Variants in TXK observed in about 807,000 individuals in gnomAD.
The protein encoded by TXK is tyrosine-protein kinase TXK.
TXK carries 60 observed loss-of-function variants against 81.0 expected under a neutral mutation model. The ratio of observed to expected loss-of-function variants is 0.74; its 90% CI spans 0.60 to 0.92. The LOEUF (loss-of-function observed/expected upper bound fraction) is 0.92. TXK is among the 40% of genes least tolerant of loss of function. The pLI is 0.00. For missense variants in TXK, 581 were observed against 638.3 expected (o/e 0.91, Z 0.97); for synonymous variants, 203 against 210.7 (o/e 0.96, Z 0.32).
intron 6 of TXK, among the ~76,000 whole-genome samples, chr4:48,100,955 G>A (rs1051476220): frequency 1.3e-5 from 2 of 151,736 alleles, no homozygotes; most frequent in Non-Finnish European, 2.9e-5. Flanking sequence ...GTATGCTATC[G>A]TTTGTGTAAA....
In TXK at chr4:48,076,411, C is replaced by A; in HGVS notation, c.1229G>T (p.Gly410Val). 6.2e-7 allele frequency: 1 copy of A among 1,611,288 alleles called. No homozygotes were observed. Among genetic ancestry groups the A allele is most frequent in the African/African-American group, 1.3e-5 (1 of 74,920 alleles). The part of the protein sequence containing the change: ...STCIVKISDF[G>V]MTRYVLDDEY... ...TATACATAGCATGTACCTTGTCATT[C>A]CAAAGTCTGAAATTTTTACTATGCA... Residue 410 changes from glycine to valine, a missense_variant, in exon 12 of 15, where the codon GGA becomes GTA. Coordinates refer to ENST00000264316, the MANE Select transcript of TXK (RefSeq NM_003328.3).
intron 6 of TXK, among the ~76,000 whole-genome samples, chr4:48,104,189 C>A (rs928501470): frequency 9.1e-6 from 1 of 109,930 alleles, no homozygotes; most frequent in Admixed American, 1.3e-4. Flanking sequence ...GGTGACAGAG[C>A]GAGAGCATGT....
rs1330830818 is a variant in TXK at position 48,079,930 on chromosome 4, G to A, written c.1155C>T (p.Gly385=). The A allele has an allele frequency of 1.2e-5, 19 of 1,612,376 alleles. No homozygotes were observed. The highest frequency in any genetic ancestry group is 1.6e-5 in the Non-Finnish European group (19 of 1,179,260). Residue 385 remains glycine (G), a synonymous_variant, in exon 11 of 15, where the codon GGC becomes GGT. Transcript: ENST00000264316. The part of the protein sequence containing the change: ...CEGMEYLERN[G]YIHRDLAARN... The stretch of plus-strand genomic sequence containing the variant: ...TACTTACCAAATCCCTATGAATATA[G>A]CCATTCCTCTCCAGATATTCCATTC...
chr4:48,083,889 C>A (rs926385992), intron 10 of TXK, among the ~76,000 whole-genome samples: 2 of 152,080 alleles, frequency 1.3e-5, no homozygotes, highest in Non-Finnish European at 2.9e-5. Context: ...AGTGGGTATG[C>A]CAACTTAAAC....
intron 1 of TXK, among the ~76,000 whole-genome samples, chr4:48,123,957 G>C (rs1398110754): frequency 2.6e-5 from 4 of 152,040 alleles, no homozygotes; most frequent in African/African-American, 7.2e-5. Context: ...CCTCCAGCCT[G>C]GAAAGGAAGA....
chr4:48,102,614 A>C (rs1310537573), intron 6 of TXK, among the ~76,000 whole-genome samples: 1 of 152,236 alleles, frequency 6.6e-6, no homozygotes, highest in African/African-American at 2.4e-5. Context: ...ATACCCTGTG[A>C]CCACATAATT....
At chr4:48,118,780 C>T (rs543161229) in intron 1 of TXK, among the ~76,000 whole-genome samples, 3 of 152,248 alleles carry the variant, frequency 2.0e-5, no homozygotes, top group Admixed American at 2.0e-4. Context: ...GTTATTTCTC[C>T]AGCAGAGGGT....
chr4:48,119,780 A>T (rs962297305), intron 1 of TXK, among the ~76,000 whole-genome samples: 2 of 152,206 alleles, frequency 1.3e-5, no homozygotes, highest in Non-Finnish European at 2.9e-5. Context: ...AAGAGAGGGC[A>T]CATTAGCACT....
At chr4:48,131,173 C>T (rs1318668984) in intron 1 of TXK, among the ~76,000 whole-genome samples, 3 of 152,166 alleles carry the variant, frequency 2.0e-5, no homozygotes, top group Non-Finnish European at 2.9e-5. Context: ...TGAGACCCCA[C>T]TCCAAATCTC....
chr4:48,123,771 C>A (rs949015940), intron 1 of TXK, among the ~76,000 whole-genome samples: 34 of 152,214 alleles, frequency 2.2e-4, no homozygotes, highest in African/African-American at 7.7e-4. Context: ...CCCCATATAC[C>A]CATTTCCCTA....
chr4:48,071,057 G>A lies in TXK; in HGVS notation c.1515+460C>T, dbSNP rs552911044. Among the ~76,000 whole-genome samples the A allele has an allele frequency of 2.0e-5, 3 of 151,240 alleles. No homozygotes were observed. In the South Asian group the frequency reaches 6.3e-4, roughly 32 times the overall value. ...TGGGATTACAGGCATGCACCACCAC[G>A]CCCGGCTAATTTTTGTATTTTTAGT... On this transcript the variant is annotated intron_variant, in intron 14 of 14. Transcript: ENST00000264316.
rs760467907 is a variant in TXK at position 48,076,390 on chromosome 4, C to T, written c.1238+12G>A. ...AACAAACAAAATACATATATATATA[C>T]ATAGCATGTACCTTGTCATTCCAAA... On this transcript the variant is annotated intron_variant, in intron 12 of 14. Transcript: ENST00000264316. 2 of 1,571,092 alleles carry T rather than the reference C, an allele frequency of 1.3e-6. No homozygotes were observed. The highest frequency in any genetic ancestry group is 1.4e-5 in the African/African-American group (1 of 73,606).
chr4:48,110,278 T>C (rs1718592158), intron 5 of TXK, among the ~76,000 whole-genome samples: 1 of 152,214 alleles, frequency 6.6e-6, no homozygotes, highest in Non-Finnish European at 1.5e-5. Context: ...AGATATATAG[T>C]AAAATAAGTG....
intron 4 of TXK, 70 bp downstream of exon 4, chr4:48,112,230 TTATAAGC>T: frequency 7.4e-7 from 1 of 1,349,752 alleles, no homozygotes; most frequent in Non-Finnish European, 1.1e-6. Flanking sequence ...GAGGGAAGAG[TTATAAGC>T]CTGAGTCACT....
intron 4 of TXK, among the ~76,000 whole-genome samples, chr4:48,111,082 A>T (rs1718619065): frequency 6.6e-6 from 1 of 152,214 alleles, no homozygotes; most frequent in African/African-American, 2.4e-5. Context: ...AAAGACGGGA[A>T]TTGCTAAGTC....
chr4:48,128,561 CT>C (rs58431850), intron 1 of TXK, among the ~76,000 whole-genome samples: 2,079 of 85,160 alleles, frequency 0.024, 12 homozygotes, highest in African/African-American at 0.063. Flanking sequence ...CCACTACATC[CT>C]TTTTTTTTTT....
intron 1 of TXK, among the ~76,000 whole-genome samples, chr4:48,123,031 T>C (rs1428457116): frequency 6.6e-6 from 1 of 152,268 alleles, no homozygotes. Context: ...AGGTGAGCTC[T>C]GACCATCTAT....
At chr4:48,093,498 T>C (rs1462210979) in intron 8 of TXK, among the ~76,000 whole-genome samples, 2 of 152,236 alleles carry the variant, frequency 1.3e-5, no homozygotes, top group Non-Finnish European at 2.9e-5. Flanking sequence ...TCTGGGATCC[T>C]ACATCTTTCC....
chr4:48,087,447 T>A (rs933355478), intron 9 of TXK, among the ~76,000 whole-genome samples: 9 of 152,012 alleles, frequency 5.9e-5, no homozygotes, highest in Admixed American at 4.6e-4. Context: ...TATTATTTTT[T>A]TTTTTGGAGG....
Sources: allele counts gnomAD v4.1 joint callset (sites outside exome capture counted in the v4.1 genomes callset), GRCh38; gene constraint gnomAD v4.1.1; transcripts MANE v1.5; gene names NCBI Gene and HGNC (gene_info 2026-07-23, HGNC 2026-07-21).